The following CSMD1 variants were observed in gnomAD, a reference collection of about 807,000 sequenced individuals.
The protein encoded by CSMD1 is CUB and Sushi multiple domains 1.
In CSMD1, 213 loss-of-function variants were observed where a neutral mutation model predicts 417.5. The observed-to-expected ratio is 0.51, with a 90% confidence interval of 0.46 to 0.57. The LOEUF (loss-of-function observed/expected upper bound fraction) is 0.57. CSMD1 is among the 20% of genes least tolerant of loss of function. The probability of loss-of-function intolerance (pLI) is 0.00; values close to 1 mark genes in which losing one functional copy is unlikely to be tolerated. For missense variants in CSMD1, 6,923 were observed against 4,529.7 expected (o/e 1.53, Z -15.17); for synonymous variants, 2,862 against 1,736.8 (o/e 1.65, Z -16.11).
intron 26 of CSMD1, among the ~76,000 whole-genome samples, chr8:3,244,251 T>C (rs527539932): frequency 2.0e-5 from 3 of 152,278 alleles, no homozygotes; most frequent in African/African-American, 7.2e-5. Context: ...TTTCTTTTCC[T>C]GTATTTTGGA....
chr8:3,769,168 T>G (rs1385255110), intron 5 of CSMD1, among the ~76,000 whole-genome samples: 1 of 152,208 alleles, frequency 6.6e-6, no homozygotes, highest in Non-Finnish European at 1.5e-5. Flanking sequence ...CAATTTCCCC[T>G]TGCCATGATT....
intron 7 of CSMD1, among the ~76,000 whole-genome samples, chr8:3,686,632 T>C (rs1329212740): frequency 6.6e-6 from 1 of 152,196 alleles, no homozygotes; most frequent in Non-Finnish European, 1.5e-5. Flanking sequence ...AGCCCAGGGA[T>C]ATCTATACAA....
chr8:3,825,143 T>G (rs1054259040), intron 5 of CSMD1, among the ~76,000 whole-genome samples: 1 of 152,052 alleles, frequency 6.6e-6, no homozygotes. Flanking sequence ...CAGGGGAGAT[T>G]TCTCATTCTC....
intron 3 of CSMD1, among the ~76,000 whole-genome samples, chr8:4,103,550 G>C (rs926622631): frequency 6.6e-6 from 1 of 151,838 alleles, no homozygotes; most frequent in Non-Finnish European, 1.5e-5. Flanking sequence ...AAAACTGACT[G>C]CATCAAAGTT....
chr8:4,487,584 G>A (rs565637104), intron 2 of CSMD1, among the ~76,000 whole-genome samples: 4 of 152,260 alleles, frequency 2.6e-5, no homozygotes, highest in African/African-American at 9.6e-5. Context: ...ATTTGGGTTG[G>A]TTCCAAGTCT....
At chr8:4,018,378 T>G (rs1338857370) in intron 4 of CSMD1, among the ~76,000 whole-genome samples, 2 of 152,198 alleles carry the variant, frequency 1.3e-5, no homozygotes, top group Non-Finnish European at 2.9e-5. Context: ...GCCATCATCT[T>G]TCTCTCTTGG....
intron 3 of CSMD1, among the ~76,000 whole-genome samples, chr8:4,345,601 G>A (rs1005040662): frequency 7.2e-5 from 11 of 152,054 alleles, no homozygotes; most frequent in Admixed American, 3.3e-4. Flanking sequence ...GGAAATCACA[G>A]AAAACAAAAA....
chr8:3,300,144 G>T (rs1042973845), intron 25 of CSMD1, among the ~76,000 whole-genome samples: 2 of 152,072 alleles, frequency 1.3e-5, no homozygotes, highest in Admixed American at 6.6e-5. Flanking sequence ...ATAGGATGAG[G>T]CAAAATTACA....
At position 3,915,290 on chromosome 8, in the gene CSMD1, C is replaced by G. The variant is rs938169508; in HGVS notation, c.818+82613G>C. ...GCATGGTAGTGTGTGCCTGTAGTCTCAGCTATTCAGGAGTCTAAGGCAGGA... is the reference window on the plus strand; with the variant it reads ...GCATGGTAGTGTGTGCCTGTAGTCTGAGCTATTCAGGAGTCTAAGGCAGGA... On this transcript the variant is annotated intron_variant, in intron 5 of 69. Coordinates refer to ENST00000635120, the MANE Select transcript of CSMD1 (RefSeq NM_033225.6). Among the ~76,000 whole-genome samples the G allele has an allele frequency of 2.6e-5, 4 of 150,980 alleles. No individual in the cohort carries two copies. The Admixed American group carries it at 2.7e-4, about 10-fold the overall frequency.
chr8:4,247,570 A>C (rs1802788688), intron 3 of CSMD1, among the ~76,000 whole-genome samples: 1 of 152,176 alleles, frequency 6.6e-6, no homozygotes. Flanking sequence ...TCCGCATAAT[A>C]CCACCATTCT....
intron 5 of CSMD1, among the ~76,000 whole-genome samples, chr8:3,793,261 C>T (rs113850707): frequency 1.3e-4 from 20 of 152,310 alleles, no homozygotes; most frequent in Admixed American, 6.5e-4. Flanking sequence ...CAATCTCAAG[C>T]GACTGCAGCA....
chr8:3,363,895 T>C (rs1431134248), intron 20 of CSMD1, among the ~76,000 whole-genome samples: 2 of 152,114 alleles, frequency 1.3e-5, no homozygotes, highest in East Asian at 1.9e-4. Context: ...AGAATGGGGA[T>C]TGTGCAGGTT....
At chr8:3,096,401 C>G (rs1815300024) in intron 47 of CSMD1, among the ~76,000 whole-genome samples, 1 of 152,116 alleles carries the variant, frequency 6.6e-6, no homozygotes. Context: ...CCCACAAGAT[C>G]TGATGGTTTT....
chr8:3,495,684 T>C (rs1796335194), intron 10 of CSMD1, among the ~76,000 whole-genome samples: 1 of 152,188 alleles, frequency 6.6e-6, no homozygotes, highest in South Asian at 2.1e-4. Context: ...AGTATGTGTA[T>C]TTTAACCACA....
intron 3 of CSMD1, among the ~76,000 whole-genome samples, chr8:4,207,324 G>T (rs532428258): frequency 1.3e-5 from 2 of 152,164 alleles, no homozygotes; most frequent in South Asian, 4.1e-4. Context: ...TTAGTGGCTA[G>T]GACTCGTAAT....
Position 4,161,550 on chromosome 8 carries a change from A to G in CSMD1, c.416-129451T>C, listed in dbSNP as rs115433061. Among the ~76,000 whole-genome samples the G allele has an allele frequency of 3.3e-3, 508 of 152,276 alleles. 3 individuals carry two copies. The highest frequency in any genetic ancestry group is 0.014 in the Middle Eastern group (4 of 294). On this transcript the variant is annotated intron_variant, in intron 3 of 69. Transcript: ENST00000635120. ...CAAAGTCCACTGTGCACCTCCTACT[A>G]CTTGACATTGTTTTGGACAGAGTTC...
chr8:4,847,988 C>T (rs79844224), intron 1 of CSMD1, among the ~76,000 whole-genome samples: 1,524 of 152,264 alleles, frequency 0.01, 14 homozygotes, highest in Non-Finnish European at 0.016. Flanking sequence ...CCACCCTCTC[C>T]TTCCAGGGCC....
At chr8:4,442,698 G>A (rs187633842) in intron 2 of CSMD1, among the ~76,000 whole-genome samples, 55 of 152,290 alleles carry the variant, frequency 3.6e-4, no homozygotes, top group African/African-American at 1.3e-3. Context: ...CGAAAAGGTA[G>A]TTCCCCGAAA....
chr8:3,378,629 C>A (rs889968952), intron 18 of CSMD1, among the ~76,000 whole-genome samples: 1 of 152,122 alleles, frequency 6.6e-6, no homozygotes, highest in Non-Finnish European at 1.5e-5. Flanking sequence ...ATCACTTAAA[C>A]AGAACCAATG....
Sources: allele counts gnomAD v4.1 joint callset (sites outside exome capture counted in the v4.1 genomes callset), GRCh38; gene constraint gnomAD v4.1.1; transcripts MANE v1.5; gene names NCBI Gene and HGNC (gene_info 2026-07-23, HGNC 2026-07-21).